The following EID3 variants were observed in gnomAD, a reference collection of about 807,000 sequenced individuals.
EID3 encodes the protein EP300 interacting inhibitor of differentiation 3, also known as EP300-interacting inhibitor of differentiation 3.
A neutral mutation model predicts 1.6 loss-of-function variants in EID3; 3 were observed. The observed-to-expected ratio is 1.87, with a 90% CI of 0.85 to 4.83. The LOEUF is 4.83. Ranked by LOEUF, EID3 falls within the 30% of genes most tolerant of loss-of-function variation. The pLI, the probability that EID3 is intolerant of heterozygous loss-of-function variation, is 0.02. For synonymous variants in EID3, 164 were observed against 148.1 expected (o/e 1.11, Z -0.78); for missense variants, 471 against 409.9 (o/e 1.15, Z -1.29).
In EID3 at chr12:104,304,359, GTGA is replaced by G. The variant is rs958390096; in HGVS notation, c.430_432del (p.Asp144del). The G allele has an allele frequency of 6.2e-7, 1 of 1,614,026 alleles. No homozygotes were observed. The highest frequency in any genetic ancestry group is 1.3e-5 in the African/African-American group (1 of 75,044). On this transcript the variant is annotated inframe_deletion, in exon 1 of 1. Coordinates refer to ENST00000527879, the MANE Select transcript of EID3 (RefSeq NM_001008394.3). ...GGCGATCCTGACAAGTTGAGTGATT[GTGA>G]TGATAGCATAGCTCTTTCCTTCTGG...
rs1593792184 is a variant in EID3 at position 104,303,930 on chromosome 12, C to A, written c.-5C>A. 2 of 1,581,018 alleles carry A rather than the reference C, an allele frequency of 1.3e-6. No individual in the cohort carries two copies. Among genetic ancestry groups the A allele is most frequent in the Non-Finnish European group, 1.7e-6 (2 of 1,168,242 alleles). On this transcript the variant is annotated 5_prime_UTR_variant, in exon 1 of 1. Coordinates refer to ENST00000527879, the MANE Select transcript of EID3 (RefSeq NM_001008394.3). ...GCGAAGTAGGCGGCGGCGGAGGGAG[C>A]GCTGATGAAGATGGATGTGTCAGTG...
At position 104,303,983 on chromosome 12, in the gene EID3, A is replaced by C; in HGVS notation, c.49A>C (p.Ser17Arg). 2 of 1,607,878 alleles carry C rather than the reference A, an allele frequency of 1.2e-6. No individual in the cohort carries two copies. Among genetic ancestry groups the C allele is most frequent in the Non-Finnish European group, 1.7e-6 (2 of 1,179,732 alleles). ...VRAAGCSDDL[S>R]SGEADVDPKL... is the part of the protein sequence containing the mutation. ...GGCCGCGGGCTGCTCCGACGACCTC[A>C]GCTCTGGGGAGGCCGACGTAGACCC... Residue 17 changes from serine to arginine, a missense_variant, in exon 1 of 1, where the codon AGC becomes CGC. Physicochemically the swap from Ser to Arg is moderately radical, Grantham distance 110. Transcript: ENST00000527879.
rs991521266 is a variant in EID3, at chr12:104,305,086, C to A, written c.*150C>A. 6.1e-6 allele frequency: 5 copies of A among 823,942 alleles called. No individual in the cohort carries two copies. The African/African-American group carries it at 8.8e-5, about 15-fold the overall frequency. 51.0% of individuals were successfully genotyped at this position (823,942 alleles called of 1,614,324 possible). ...TTGTTTTACTGTGCAGCATATTTTT[C>A]TTAGTAATTTATAAGGTCATGATCT... On this transcript the variant is annotated 3_prime_UTR_variant, in exon 1 of 1. Transcript: ENST00000527879.
chr12:104,304,836 G>A lies in EID3; in HGVS notation c.902G>A (p.Gly301Asp). ...MGEGNDSSCHGRKQGVISLTL... is the reference protein window; with the variant it reads ...MGEGNDSSCHDRKQGVISLTL... ...GAGGGAAATGATTCCAGTTGCCATG[G>A]CAGGAAACAGGGAGTTATATCTTTG... Residue 301 changes from glycine (G) to aspartate (D), a missense_variant, in exon 1 of 1, where the codon GGC becomes GAC. Gly to Asp is a moderately conservative substitution (Grantham distance 94, BLOSUM62 -1). Transcript: ENST00000527879. The A allele has an allele frequency of 6.2e-7, 1 of 1,613,996 alleles. No individual in the cohort carries two copies. The highest frequency in any genetic ancestry group is 8.5e-7 in the Non-Finnish European group (1 of 1,179,894).
At position 104,303,997 on chromosome 12, in the gene EID3, C is replaced by T. The variant is rs116688710; in HGVS notation, c.63C>T (p.Ala21=). The change falls in exon 1 of 1, where the codon GCC becomes GCT. Residue 21 remains alanine (A), a synonymous_variant. Coordinates refer to ENST00000527879, the MANE Select transcript of EID3 (RefSeq NM_001008394.3). ...CCGACGACCTCAGCTCTGGGGAGGC[C>T]GACGTAGACCCAAAGCTCCTGGAGC... ...GCSDDLSSGE[A]DVDPKLLELT... is the part of the protein sequence containing the mutation. 5,670 of 1,609,636 alleles carry T rather than the reference C, an allele frequency of 3.5e-3. 176 individuals carry two copies. In the African/African-American group the frequency reaches 0.065, roughly 18 times the overall value.
chr12:104,304,431 A>T lies in EID3; in HGVS notation c.497A>T (p.Glu166Val). The T allele has an allele frequency of 6.2e-7, 1 of 1,614,040 alleles. No individual in the cohort carries two copies. Among genetic ancestry groups the T allele is most frequent in the Middle Eastern group, 1.6e-4 (1 of 6,062 alleles). The part of the protein sequence containing the change: ...KEATSWMVKA[E>V]TFHFVFGSFK... ...GCAACATCCTGGATGGTAAAAGCTG[A>T]GACATTCCATTTTGTTTTTGGTTCA... The change falls in exon 1 of 1, where the codon GAG (glutamate) becomes GTG (valine). Residue 166 changes from glutamate to valine, a missense_variant. By Grantham distance (121) the Glu-to-Val change is moderately radical. Transcript: ENST00000527879.
Position 104,303,853 on chromosome 12 carries a change from C to T in EID3, c.-82C>T. On this transcript the variant is annotated 5_prime_UTR_variant, in exon 1 of 1. It adds an upstream start codon to the 5' untranslated region. Coordinates refer to ENST00000527879, the MANE Select transcript of EID3 (RefSeq NM_001008394.3). ...TTGAAAAAGCTTCCCGGAAGGGAGA[C>T]GAAGAGAAAGGAGAGGAGCAGCTCG... 1.4e-6 allele frequency: 2 copies of T among 1,447,616 alleles called. No homozygotes were observed. Among genetic ancestry groups the T allele is most frequent in the Middle Eastern group, 2.5e-4 (1 of 3,940 alleles). The allele number at this position is 1,447,616 out of a possible 1,614,324, so 89.7% of individuals were successfully genotyped here.
In EID3 at chr12:104,304,229, T is replaced by A. The variant is rs2034782393; in HGVS notation, c.295T>A (p.Leu99Met). 6.2e-7 allele frequency: 1 copy of A among 1,614,010 alleles called. No individual in the cohort carries two copies. Among genetic ancestry groups the A allele is most frequent in the Non-Finnish European group, 8.5e-7 (1 of 1,179,876 alleles). ...CCGGTTTCTTGTTATGGCTTCTGAT[T>A]TGGGTAAAGAAAAGGCAAAGCAGTT... Reference protein sequence around the residue: ...DARFLVMASDLGKEKAKQLNS... With the variant: ...DARFLVMASDMGKEKAKQLNS... Residue 99 changes from leucine to methionine, a missense_variant, in exon 1 of 1, where the codon TTG becomes ATG. Leu to Met is a conservative substitution (Grantham distance 15). Coordinates refer to ENST00000527879, the MANE Select transcript of EID3 (RefSeq NM_001008394.3).
Position 104,304,573 on chromosome 12 carries a change from T to C in EID3, c.639T>C (p.Tyr213=), listed in dbSNP as rs1244121422. Residue 213 remains tyrosine (Y), a synonymous_variant, in exon 1 of 1, where the codon TAT becomes TAC. Coordinates refer to ENST00000527879, the MANE Select transcript of EID3 (RefSeq NM_001008394.3). The part of the protein sequence containing the change: ...TKLQKLDLSS[Y]PEATEKNVER... ...TGCAGAAGTTGGACCTGAGTAGTTA[T>C]CCAGAAGCGACAGAAAAAAACGTAG... is the stretch of plus-strand genomic sequence containing the variant. 7.4e-6 allele frequency: 12 copies of C among 1,613,906 alleles called. No individual in the cohort carries two copies. The highest frequency in any genetic ancestry group is 8.5e-6 in the Non-Finnish European group (10 of 1,179,892).
chr12:104,303,912 A>G lies in EID3; in HGVS notation c.-23A>G, dbSNP rs2034757150. 2 of 1,561,774 alleles carry G rather than the reference A, an allele frequency of 1.3e-6. No individual in the cohort carries two copies. The highest frequency in any genetic ancestry group is 8.6e-7 in the Non-Finnish European group (1 of 1,159,486). ...CCCGGTAGCGAGTACGCGGCGAAGT[A>G]GGCGGCGGCGGAGGGAGCGCTGATG... On this transcript the variant is annotated 5_prime_UTR_variant, in exon 1 of 1. It removes the in-frame stop codon of an upstream open reading frame in the 5' UTR. Coordinates refer to ENST00000527879, the MANE Select transcript of EID3 (RefSeq NM_001008394.3).
Position 104,304,205 on chromosome 12 carries a change from C to A in EID3, c.271C>A (p.Arg91=). Residue 91 remains arginine, a synonymous_variant, in exon 1 of 1, where the codon CGG becomes AGG. Coordinates refer to ENST00000527879, the MANE Select transcript of EID3 (RefSeq NM_001008394.3). ...AACCAGAGAAGCAGCCCTCGACGCC[C>A]GGTTTCTTGTTATGGCTTCTGATTT... The part of the protein sequence containing the change: ...SRTREAALDA[R]FLVMASDLGK... 6.2e-7 allele frequency: 1 copy of A among 1,614,028 alleles called. No individual in the cohort carries two copies. Among genetic ancestry groups the A allele is most frequent in the African/African-American group, 1.3e-5 (1 of 75,046 alleles).
Position 104,304,822 on chromosome 12 carries a change from T to G in EID3, c.888T>G (p.Asp296Glu), listed in dbSNP as rs750256191. Residue 296 changes from aspartate (D) to glutamate (E), a missense_variant, in exon 1 of 1, where the codon GAT (aspartate) becomes GAG (glutamate). Transcript: ENST00000527879. The part of the protein sequence containing the change: ...MNVNQMGEGN[D>E]SSCHGRKQGV... Reference sequence around the variant, plus strand: ...TTAACCAAATGGGTGAGGGAAATGATTCCAGTTGCCATGGCAGGAAACAGG... The same window carrying G: ...TTAACCAAATGGGTGAGGGAAATGAGTCCAGTTGCCATGGCAGGAAACAGG... The G allele has an allele frequency of 1.2e-6, 2 of 1,614,014 alleles. No homozygotes were observed. Among genetic ancestry groups the G allele is most frequent in the South Asian group, 2.2e-5 (2 of 91,078 alleles).
At position 104,304,079 on chromosome 12, in the gene EID3, T is replaced by C. The variant is rs200141047; in HGVS notation, c.145T>C (p.Tyr49His). 3.0e-4 allele frequency: 478 copies of C among 1,613,940 alleles called. 1 individual carries two copies. In the African/African-American group the frequency reaches 5.8e-3, roughly 20 times the overall value. The change falls in exon 1 of 1, where the codon TAC becomes CAC. Residue 49 changes from tyrosine (Y) to histidine (H), a missense_variant. Tyr to His is a moderately conservative substitution (Grantham distance 83). Transcript: ENST00000527879. ...SIRRQYRQLM[Y>H]CVRQNREDIV... ...CCGCAGGCAGTACCGGCAGCTCATG[T>C]ACTGCGTGCGGCAGAACCGGGAGGA... is the stretch of plus-strand genomic sequence containing the variant.
In EID3 at chr12:104,304,149, A is replaced by T. The variant is rs201994320; in HGVS notation, c.215A>T (p.Glu72Val). Residue 72 changes from glutamate to valine, a missense_variant, in exon 1 of 1, where the codon GAA becomes GTA. Coordinates refer to ENST00000527879, the MANE Select transcript of EID3 (RefSeq NM_001008394.3). Reference protein sequence around the residue: ...ANNSLTEALEEANVLFDGVSR... With the variant: ...ANNSLTEALEVANVLFDGVSR... The stretch of plus-strand genomic sequence containing the variant: ...AACTCCTTAACCGAGGCTCTGGAGG[A>T]AGCCAACGTCCTCTTTGATGGCGTG... 2.2e-3 allele frequency: 3,543 copies of T among 1,613,914 alleles called. 8 individuals are homozygous for T. Among genetic ancestry groups the T allele is most frequent in the Non-Finnish European group, 2.9e-3 (3,363 of 1,179,890 alleles).
In EID3 at chr12:104,303,822, T is replaced by G. The variant is rs2034751742; in HGVS notation, c.-113T>G. The G allele has an allele frequency of 1.4e-5, 20 of 1,398,360 alleles. No homozygotes were observed. Among genetic ancestry groups the G allele is most frequent in the East Asian group, 2.5e-5 (1 of 39,298 alleles). 86.6% of individuals were successfully genotyped at this position (1,398,360 alleles called of 1,614,324 possible). On this transcript the variant is annotated 5_prime_UTR_variant, in exon 1 of 1. It removes an upstream start codon present in the reference 5' UTR. Coordinates refer to ENST00000527879, the MANE Select transcript of EID3 (RefSeq NM_001008394.3). ...ACCTCAGAGATACCCGTGGCCGGCA[T>G]GTTGGTTGAAAAAGCTTCCCGGAAG...
Position 104,304,172 on chromosome 12 carries a change from G to T in EID3, c.238G>T (p.Val80Leu). The T allele has an allele frequency of 6.2e-7, 1 of 1,614,080 alleles. No homozygotes were observed. Among genetic ancestry groups the T allele is most frequent in the Non-Finnish European group, 8.5e-7 (1 of 1,179,914 alleles). ...GGAAGCCAACGTCCTCTTTGATGGC[G>T]TGAGCCGAACCAGAGAAGCAGCCCT... ...LEEANVLFDG[V>L]SRTREAALDA... is the part of the protein sequence containing the mutation. The change falls in exon 1 of 1, where the codon GTG becomes TTG. Residue 80 changes from valine (V) to leucine (L), a missense_variant. Physicochemically the swap from Val to Leu is conservative, Grantham distance 32. Transcript: ENST00000527879.
In EID3 at chr12:104,304,409, A is replaced by G; in HGVS notation, c.475A>G (p.Thr159Ala). 3.7e-6 allele frequency: 6 copies of G among 1,614,042 alleles called. No individual in the cohort carries two copies. The highest frequency in any genetic ancestry group is 5.1e-6 in the Non-Finnish European group (6 of 1,179,898). Reference sequence around the variant, plus strand: ...CTGGAAGGCAATAGAAAAGGAAGCAACATCCTGGATGGTAAAAGCTGAGAC... The same window carrying G: ...CTGGAAGGCAATAGAAAAGGAAGCAGCATCCTGGATGGTAAAAGCTGAGAC... ...SFWKAIEKEA[T>A]SWMVKAETFH... The change falls in exon 1 of 1, where the codon ACA becomes GCA. Residue 159 changes from threonine to alanine, a missense_variant. Thr to Ala is a moderately conservative substitution (Grantham distance 58, BLOSUM62 0). Transcript: ENST00000527879.
Position 104,304,546 on chromosome 12 carries a change from G to A in EID3, c.612G>A (p.Lys204=), listed in dbSNP as rs561075240. 20 of 1,613,884 alleles carry A rather than the reference G, an allele frequency of 1.2e-5. No individual in the cohort carries two copies. The highest frequency in any genetic ancestry group is 1.7e-5 in the Non-Finnish European group (20 of 1,179,890). Residue 204 remains lysine (K), a synonymous_variant, in exon 1 of 1, where the codon AAG becomes AAA. Coordinates refer to ENST00000527879, the MANE Select transcript of EID3 (RefSeq NM_001008394.3). ...AAGAAAATGGCAACATGCCTACAAA[G>A]TTGCAGAAGTTGGACCTGAGTAGTT... The part of the protein sequence containing the change: ...KMEENGNMPT[K]LQKLDLSSYP...
rs759718364 is a variant in EID3 at position 104,304,299 on chromosome 12, TTC to T, written c.367_368del (p.Leu123ValfsTer14). The T allele has an allele frequency of 3.1e-6, 5 of 1,613,944 alleles. No homozygotes were observed. The highest frequency in any genetic ancestry group is 1.3e-5 in the African/African-American group (1 of 74,940). On this transcript the variant is annotated frameshift_variant, in exon 1 of 1. Coordinates refer to ENST00000527879, the MANE Select transcript of EID3 (RefSeq NM_001008394.3). LOFTEE classifies it low-confidence loss of function (END_TRUNC). ...TTTAATCAGTTAGCATTTTGTGACT[TTC>T]TGTTTCTGTTCGTGGGTCTGAATTG... is the stretch of plus-strand genomic sequence containing the variant.
Sources: gnomAD v4.1 joint callset for allele counts on GRCh38, gnomAD v4.1.1 for gene constraint, MANE v1.5 for transcripts, NCBI Gene and HGNC (gene_info 2026-07-23, HGNC 2026-07-21) for gene names.